SIRPG: variants seen among roughly 807,000 people sequenced by gnomAD.
SIRPG encodes signal-regulatory protein gamma.
A neutral mutation model predicts 35.7 loss-of-function variants in SIRPG; 38 were observed. The observed-to-expected ratio is 1.06, with a 90% CI of 0.82 to 1.40. SIRPG has a LOEUF of 1.40. Among genes scored for constraint, SIRPG ranks in the 40% most tolerant of loss-of-function variants. SIRPG has a pLI of 0.00. For synonymous variants in SIRPG, 215 were observed against 190.4 expected (o/e 1.13, Z -1.06); for missense variants, 519 against 483.0 (o/e 1.07, Z -0.70).
chr20:1,670,051 C>T, the SIRPG span: 1 of 257,506 alleles, frequency 3.9e-6, no homozygotes, highest in Admixed American at 3.9e-5. Context: ...TCACCAGGAG[C>T]CAGCTTGTCC....
intron 1 of SIRPG, among the ~76,000 whole-genome samples, chr20:1,653,640 T>C (rs1231171596): frequency 6.6e-6 from 1 of 152,176 alleles, no homozygotes; most frequent in Non-Finnish European, 1.5e-5. Flanking sequence ...GGAAAATGCA[T>C]TTTACCAAGA....
intron 2 of SIRPG, among the ~76,000 whole-genome samples, chr20:1,639,449 C>A (rs1306038303): frequency 1.3e-5 from 2 of 152,110 alleles, no homozygotes; most frequent in Non-Finnish European, 2.9e-5. Context: ...ATATACTTTG[C>A]ATACTTTTTG....
chr20:1,645,566 A>G (rs1283520793), intron 2 of SIRPG, among the ~76,000 whole-genome samples: 3 of 152,186 alleles, frequency 2.0e-5, no homozygotes, highest in African/African-American at 7.2e-5. Context: ...CATTTATGGA[A>G]CATTTACTGC....
chr20:1,657,925 A>G (rs1241678557), upstream of SIRPG: 5 of 520,526 alleles, frequency 9.6e-6, no homozygotes, highest in Non-Finnish European at 1.7e-5. Context: ...CTCCATTTTC[A>G]GGATAATCAG....
In SIRPG at chr20:1,635,334, C is replaced by A. The variant is rs147655438; in HGVS notation, c.1014G>T (p.Ala338=). ...TCQVKHDGQL[A]VSKRLALEVT... Reference sequence around the variant, plus strand: ...CCTCTAGGGCAAGGCGTTTGCTGACCGCCAGCTGCCCATCATGCTTCACCT... The same window carrying A: ...CCTCTAGGGCAAGGCGTTTGCTGACAGCCAGCTGCCCATCATGCTTCACCT... Residue 338 remains alanine, a synonymous_variant, in exon 4 of 6, where the codon GCG becomes GCT. Transcript: ENST00000303415. 5.0e-6 allele frequency: 8 copies of A among 1,614,156 alleles called. No homozygotes were observed. In the East Asian group the frequency reaches 1.8e-4, roughly 36 times the overall value.
At chr20:1,631,708 G>C (rs564732107) in intron 4 of SIRPG, among the ~76,000 whole-genome samples, 1 of 152,342 alleles carries the variant, frequency 6.6e-6, no homozygotes, top group East Asian at 1.9e-4. Flanking sequence ...GGCAGTGAGT[G>C]GGGCTGGGCA....
chr20:1,629,918 G>A (rs1331646595), intron 5 of SIRPG, among the ~76,000 whole-genome samples: 1 of 152,106 alleles, frequency 6.6e-6, no homozygotes, highest in African/African-American at 2.4e-5. Context: ...CTGACCCCAT[G>A]GAGTCCCAGC....
the SIRPG span, among the ~76,000 whole-genome samples, chr20:1,663,174 G>A: frequency 2.6e-5 from 4 of 152,200 alleles, no homozygotes; most frequent in South Asian, 4.2e-4. Flanking sequence ...TTAGCCGGGC[G>A]TGGTGGTGGG....
intron 4 of SIRPG, among the ~76,000 whole-genome samples, chr20:1,631,671 T>G (rs1349551174): frequency 1.3e-5 from 2 of 152,176 alleles, no homozygotes; most frequent in Non-Finnish European, 2.9e-5. Context: ...TGAATACTCA[T>G]CAGCTCGCAA....
At chr20:1,655,950 C>T (rs2091972780) in intron 1 of SIRPG, among the ~76,000 whole-genome samples, 1 of 151,956 alleles carries the variant, frequency 6.6e-6, no homozygotes, top group Admixed American at 6.5e-5. Flanking sequence ...TATATATACA[C>T]ATTCACAAAT....
chr20:1,684,491 A>G, the SIRPG span, among the ~76,000 whole-genome samples: 1 of 152,204 alleles, frequency 6.6e-6, no homozygotes, highest in Admixed American at 6.5e-5. Flanking sequence ...TGTTTTGTGC[A>G]TTAAATAAAA....
chr20:1,632,939 T>G (rs1333329171), intron 4 of SIRPG, among the ~76,000 whole-genome samples: 2 of 151,358 alleles, frequency 1.3e-5, no homozygotes, highest in Non-Finnish European at 2.9e-5. Context: ...CAAAAACAAT[T>G]TAAAAACTCA....
At chr20:1,649,601 G>A (rs2091924423) in intron 1 of SIRPG, among the ~76,000 whole-genome samples, 193 bp from the exon 2 acceptor site, 1 of 149,432 alleles carries the variant, frequency 6.7e-6, no homozygotes, top group South Asian at 2.1e-4. Context: ...ACAATTGAGG[G>A]CACTGAGGCC....
Position 1,649,140 on chromosome 20 carries a change from G to A in SIRPG, c.342C>T (p.Val114=), listed in dbSNP as rs750576565. 52 of 1,613,824 alleles carry A rather than the reference G, an allele frequency of 3.2e-5. 1 individual carries two copies. In the East Asian group the frequency reaches 3.8e-4, roughly 12 times the overall value. Residue 114 remains valine, a synonymous_variant, in exon 2 of 6, where the codon GTC becomes GTT. Transcript: ENST00000303415. ...IRISSITPAD[V]GTYYCVKFRK... is the part of the protein sequence containing the mutation. ...GAAACTTCACACAGTAGTATGTGCC[G>A]ACATCTGCTGGGGTGATGCTACTGA...
the SIRPG span, among the ~76,000 whole-genome samples, chr20:1,677,816 G>T: frequency 6.6e-6 from 1 of 152,144 alleles, no homozygotes; most frequent in Non-Finnish European, 1.5e-5. Flanking sequence ...CAAAATTGAA[G>T]ATAGGTCAGA....
In SIRPG at chr20:1,641,117, G is replaced by T. The variant is rs184854381; in HGVS notation, c.431-4612C>A. 3.5e-3 allele frequency among the ~76,000 whole-genome samples: 536 copies of T among 152,270 alleles called. 1 individual carries two copies. The highest frequency in any genetic ancestry group is 0.012 in the African/African-American group (481 of 41,556). On this transcript the variant is annotated intron_variant, in intron 2 of 5. Transcript: ENST00000303415. Reference sequence around the variant, plus strand: ...AGGCTTTGGCATCAGGATGATGCTGGCTTCATAAAATGAGTCAGGGAGGTG... The same window carrying T: ...AGGCTTTGGCATCAGGATGATGCTGTCTTCATAAAATGAGTCAGGGAGGTG...
At chr20:1,663,559 G>C in the SIRPG span, among the ~76,000 whole-genome samples, 4 of 152,172 alleles carry the variant, frequency 2.6e-5, no homozygotes, top group Admixed American at 6.5e-5. Flanking sequence ...CTTGAAACTG[G>C]CTACATTGGG....
In SIRPG at chr20:1,636,497, AG is replaced by A; in HGVS notation, c.438del (p.Ser147LeufsTer18). 4 of 1,614,098 alleles carry A rather than the reference AG, an allele frequency of 2.5e-6. No individual in the cohort carries two copies. The highest frequency in any genetic ancestry group is 3.4e-6 in the Non-Finnish European group (4 of 1,179,928). ...GCAGGGCCCAATACCACGGGGGCAG[AG>A]GGTTTGGCTACAAAAGGGGCATCGA... ...PGTEMALGAK[P>X]SAPVVLGPAA... On this transcript the variant is annotated frameshift_variant, in exon 3 of 6. Coordinates refer to ENST00000303415, the MANE Select transcript of SIRPG (RefSeq NM_018556.4). LOFTEE classifies it high-confidence loss of function.
intron 4 of SIRPG, among the ~76,000 whole-genome samples, chr20:1,631,685 G>A (rs546087053): frequency 6.6e-6 from 1 of 152,304 alleles, no homozygotes; most frequent in Non-Finnish European, 1.5e-5. Context: ...CTCGCAATGA[G>A]GACCTCAGGG....
Sources: gnomAD v4.1 joint callset for allele counts (sites outside exome capture counted in the v4.1 genomes callset) on GRCh38, gnomAD v4.1.1 for gene constraint, MANE v1.5 for transcripts, NCBI Gene and HGNC (gene_info 2026-07-23, HGNC 2026-07-21) for gene names.